Variants in KLHDC4 observed in about 807,000 individuals in gnomAD.
The protein encoded by KLHDC4 is kelch domain containing 4, also known as kelch domain-containing protein 4.
In KLHDC4, 90 loss-of-function variants were observed where a neutral mutation model predicts 62.4. That is an observed-to-expected ratio of 1.44 (90% CI 1.22 to 1.72). The LOEUF is 1.72. Ranked by LOEUF, KLHDC4 falls within the 40% of genes most tolerant of loss-of-function variation. The pLI is 0.00. For missense variants in KLHDC4, 1,025 were observed against 699.7 expected, an observed-to-expected ratio of 1.47 and a Z score of -5.25; for synonymous variants, 386 against 284.4, an observed-to-expected ratio of 1.36 and a Z score of -3.59.
At chr16:87,729,207 C>T (rs4843688) in intron 6 of KLHDC4, 25,557 of 152,094 alleles carry the variant, frequency 0.17, 2,151 homozygotes, top group South Asian at 0.22. Flanking sequence ...ATCTGAAACC[C>T]GGCTGGGCGC....
chr16:87,731,046 C>CTTTTTTTTTTTT (rs774096264), intron 5 of KLHDC4: 1 of 72,032 alleles, frequency 1.4e-5, no homozygotes, highest in Non-Finnish European at 2.8e-5. Context: ...ATACAGAATT[C>CTTTTTTTTTTTT]TTTTTTTTTT....
At chr16:87,759,757 AGT>A (rs2045579584) in intron 2 of KLHDC4, among the ~76,000 whole-genome samples, 1 of 151,934 alleles carries the variant, frequency 6.6e-6, no homozygotes, top group East Asian at 1.9e-4. Context: ...AAAAATAAAG[AGT>A]GTTTCCCAAA....
intron 6 of KLHDC4, among the ~76,000 whole-genome samples, chr16:87,728,709 G>A (rs936913335): frequency 3.3e-5 from 5 of 152,058 alleles, no homozygotes; most frequent in African/African-American, 7.2e-5. Flanking sequence ...GGCTAGGCGC[G>A]GGGGCTCAAG....
intron 5 of KLHDC4, among the ~76,000 whole-genome samples, chr16:87,736,929 A>G (rs2041415217): frequency 6.6e-6 from 1 of 151,860 alleles, no homozygotes; most frequent in Admixed American, 6.6e-5. Context: ...GTTCGAGACC[A>G]GCCTGGCCAA....
chr16:87,725,654 G>A (rs2039233266), intron 7 of KLHDC4, among the ~76,000 whole-genome samples: 1 of 152,204 alleles, frequency 6.6e-6, no homozygotes, highest in African/African-American at 2.4e-5. Context: ...TGTGAAATGG[G>A]AGTGAAGCAA....
At chr16:87,705,105 T>C (rs898998739), downstream of KLHDC4, among the ~76,000 whole-genome samples, 17 of 126,926 alleles carry the variant, frequency 1.3e-4, no homozygotes, top group African/African-American at 5.4e-4. Flanking sequence ...AGGGAAAGGC[T>C]TCCTAACAGC....
At chr16:87,734,372 C>T (rs1432200433) in intron 5 of KLHDC4, among the ~76,000 whole-genome samples, 1 of 152,088 alleles carries the variant, frequency 6.6e-6, no homozygotes, top group Non-Finnish European at 1.5e-5. Context: ...GACATCAAGA[C>T]ATGGAATCTC....
intron 5 of KLHDC4, chr16:87,747,490 C>G (rs892692550): frequency 6.6e-6 from 1 of 152,100 alleles, no homozygotes; most frequent in African/African-American, 2.4e-5. Context: ...GCTGCGCCTA[C>G]TAAAATTACG....
At chr16:87,728,199 G>C (rs930249236) in intron 6 of KLHDC4, among the ~76,000 whole-genome samples, 1 of 152,054 alleles carries the variant, frequency 6.6e-6, no homozygotes, top group Non-Finnish European at 1.5e-5. Context: ...AAAGAAGAAA[G>C]AAAAGATAAC....
chr16:87,708,302 T>C (rs190524897), intron 11 of KLHDC4, 48 bp downstream of exon 11: 1 of 1,272,518 alleles, frequency 7.9e-7, no homozygotes. Flanking sequence ...GAAAAGCCTT[T>C]CACGAACACC....
At position 87,709,248 on chromosome 16, in the gene KLHDC4, C is replaced by T. The variant is rs200615835; in HGVS notation, c.1447+17G>A. 6.3e-7 allele frequency: 1 copy of T among 1,598,610 alleles called. No homozygotes were observed. The highest frequency in any genetic ancestry group is 1.3e-5 in the African/African-American group (1 of 74,744). Reference sequence around the variant, plus strand: ...CTCTCGCTCCCGGGCACGGAGGCACCAAGCTGCCTGGCTCACCTGGGTCCA... The same window carrying T: ...CTCTCGCTCCCGGGCACGGAGGCACTAAGCTGCCTGGCTCACCTGGGTCCA... On this transcript the variant is annotated intron_variant, in intron 10 of 11. Transcript: ENST00000270583.
chr16:87,702,500 C>T, exon 1 of KLHDC4: 1 of 358,174 alleles, frequency 2.8e-6, no homozygotes, highest in South Asian at 2.1e-5. Context: ...TCTCCGGCAG[C>T]AACTTCCCAG....
intron 5 of KLHDC4, among the ~76,000 whole-genome samples, chr16:87,731,354 G>A (rs1261647776): frequency 6.6e-6 from 1 of 151,938 alleles, no homozygotes; most frequent in Non-Finnish European, 1.5e-5. Context: ...TTACAGGCAT[G>A]AGCCACTGTG....
chr16:87,700,608 G>A (rs1179746832), exon 1 of KLHDC4: 2 of 206,972 alleles, frequency 9.7e-6, no homozygotes, highest in African/African-American at 5.0e-5. Flanking sequence ...GAGGTGGAGG[G>A]AGGAAACAGG....
intron 7 of KLHDC4, among the ~76,000 whole-genome samples, chr16:87,714,939 C>A (rs961502943): frequency 3.3e-5 from 5 of 152,222 alleles, no homozygotes; most frequent in Non-Finnish European, 5.9e-5. Flanking sequence ...TCCCCACCGC[C>A]TTCCAAATAA....
chr16:87,730,488 T>C, intron 6 of KLHDC4, 64 bp downstream of exon 6: 1 of 1,330,518 alleles, frequency 7.5e-7, no homozygotes, highest in Non-Finnish European at 1.1e-6. Flanking sequence ...AGAATGCTCT[T>C]TCTATAAAAA....
At chr16:87,764,574 G>A (rs1371987617) in intron 1 of KLHDC4, among the ~76,000 whole-genome samples, 1 of 146,562 alleles carries the variant, frequency 6.8e-6, no homozygotes, top group Non-Finnish European at 1.5e-5. Context: ...ACTTGAACCT[G>A]GGAGGCGGAG....
intron 2 of KLHDC4, among the ~76,000 whole-genome samples, chr16:87,760,030 GT>G (rs1034732829): frequency 8.5e-5 from 13 of 152,104 alleles, no homozygotes; most frequent in African/African-American, 3.1e-4. Context: ...TTCTCACAAG[GT>G]TTTAAAGTAA....
intron 5 of KLHDC4, among the ~76,000 whole-genome samples, chr16:87,736,007 A>G (rs1053221051): frequency 2.0e-5 from 3 of 152,238 alleles, no homozygotes; most frequent in African/African-American, 7.2e-5. Context: ...CGCTTCTCTG[A>G]GTGACTTTAC....
Sources: gnomAD v4.1 joint callset for allele counts (sites outside exome capture counted in the v4.1 genomes callset) on GRCh38, gnomAD v4.1.1 for gene constraint, MANE v1.5 for transcripts, NCBI Gene and HGNC (gene_info 2026-07-23, HGNC 2026-07-21) for gene names.